LTBP1: variants seen among roughly 807,000 people sequenced by gnomAD.
LTBP1 encodes the protein latent-transforming growth factor beta-binding protein 1.
LTBP1 carries 129 observed loss-of-function variants against 207.6 expected under a neutral mutation model. The ratio of observed to expected loss-of-function variants is 0.62; its 90% CI spans 0.54 to 0.72. The LOEUF (loss-of-function observed/expected upper bound fraction) is 0.72, where lower values mean the gene tolerates loss of function less well. LTBP1 is among the 30% of genes least tolerant of loss of function. LTBP1 has a pLI of 0.00. For missense variants in LTBP1, 2,281 were observed against 2,217.2 expected (o/e 1.03, Z -0.58); for synonymous variants, 963 against 833.7 (o/e 1.16, Z -2.67).
chr2:32,975,497 C>T (rs974029291), intron 2 of LTBP1, among the ~76,000 whole-genome samples: 3 of 146,960 alleles, frequency 2.0e-5, no homozygotes, highest in African/African-American at 7.5e-5. Flanking sequence ...TTTACTTTCT[C>T]ACTCTTTCTT....
intron 3 of LTBP1, among the ~76,000 whole-genome samples, chr2:33,089,678 A>T (rs2078969023): frequency 1.3e-5 from 2 of 152,342 alleles, no homozygotes; most frequent in East Asian, 3.9e-4. Flanking sequence ...GATATTACTA[A>T]CTAAAGTCTA....
chr2:33,291,623 G>C (rs919733782), intron 19 of LTBP1: 2 of 152,208 alleles, frequency 1.3e-5, no homozygotes, highest in African/African-American at 4.8e-5. Flanking sequence ...TCGTGGACTA[G>C]AGTCAGCTCA....
intron 24 of LTBP1, among the ~76,000 whole-genome samples, chr2:33,338,276 C>T (rs750064690): frequency 6.6e-5 from 10 of 152,138 alleles, no homozygotes; most frequent in Non-Finnish European, 1.0e-4. Context: ...GCAAGACGCC[C>T]AGTAATTCAT....
At chr2:33,152,376 A>G (rs1377200870) in intron 5 of LTBP1, among the ~76,000 whole-genome samples, 4 of 152,174 alleles carry the variant, frequency 2.6e-5, no homozygotes, top group Non-Finnish European at 4.4e-5. Flanking sequence ...ATACCACCTC[A>G]CGCCTGCAAG....
intron 11 of LTBP1, 145 bp downstream of exon 11, chr2:33,252,989 T>A: frequency 1.7e-6 from 1 of 598,028 alleles, no homozygotes. Flanking sequence ...GTAGAAACTG[T>A]ACACATACAA....
chr2:33,184,241 T>C (rs2086952507), intron 5 of LTBP1, among the ~76,000 whole-genome samples: 1 of 152,172 alleles, frequency 6.6e-6, no homozygotes, highest in African/African-American at 2.4e-5. Flanking sequence ...TCTTGCAGCT[T>C]TACTTAATCC....
chr2:33,395,428 A>G (rs1056805268), intron 32 of LTBP1, among the ~76,000 whole-genome samples: 1 of 152,196 alleles, frequency 6.6e-6, no homozygotes, highest in South Asian at 2.1e-4. Flanking sequence ...TGGGAATGGG[A>G]ACTCAAGTCC....
Position 33,021,138 on chromosome 2 carries a change from T to A in LTBP1, c.795T>A (p.Pro265=). ...KKADTLPRVS[P]VAQMTLTLKP... is the part of the protein sequence containing the mutation. The stretch of plus-strand genomic sequence containing the variant: ...CAGACACTCTACCAAGAGTCAGCCC[T>A]GTGGCCCAGATGACCTTAACCCTCA... The change falls in exon 3 of 34, where the codon CCT becomes CCA. Residue 265 remains proline, a synonymous_variant. Coordinates refer to ENST00000404816, the MANE Select transcript of LTBP1 (RefSeq NM_206943.4). 1 of 1,613,670 alleles carries A rather than the reference T, an allele frequency of 6.2e-7. No homozygotes were observed. Among genetic ancestry groups the A allele is most frequent in the Middle Eastern group, 1.6e-4 (1 of 6,062 alleles).
intron 32 of LTBP1, among the ~76,000 whole-genome samples, chr2:33,390,886 G>A (rs1294524401): frequency 6.6e-6 from 1 of 152,122 alleles, no homozygotes; most frequent in East Asian, 1.9e-4. Flanking sequence ...CCTGGGCCCT[G>A]TCACCTGTGC....
chr2:33,286,247 T>C (rs189201057), intron 19 of LTBP1, among the ~76,000 whole-genome samples: 37 of 152,332 alleles, frequency 2.4e-4, no homozygotes, highest in Non-Finnish European at 4.3e-4. Context: ...AATGTAGGTC[T>C]TGGGTATTTG....
chr2:33,021,333 C>T (rs999185979), intron 3 of LTBP1, 127 bp downstream of exon 3: 1 of 928,270 alleles, frequency 1.1e-6, no homozygotes, highest in Non-Finnish European at 1.6e-6. Flanking sequence ...GTTTTTCTTT[C>T]CTTTCTTAAG....
chr2:32,948,715 G>A (rs979204984), intron 1 of LTBP1, among the ~76,000 whole-genome samples, 160 bp from the exon 2 acceptor site: 4 of 152,082 alleles, frequency 2.6e-5, no homozygotes, highest in Non-Finnish European at 5.9e-5. Flanking sequence ...CCTCTGCTTG[G>A]GCAGCTTTGG....
chr2:33,215,266 T>G (rs1029457475), intron 7 of LTBP1, among the ~76,000 whole-genome samples: 7 of 152,200 alleles, frequency 4.6e-5, no homozygotes, highest in Admixed American at 6.5e-5. Flanking sequence ...GATACTATTA[T>G]GCACTCTACG....
intron 7 of LTBP1, among the ~76,000 whole-genome samples, chr2:33,207,794 A>G (rs1157360412): frequency 6.6e-6 from 1 of 152,256 alleles, no homozygotes; most frequent in Non-Finnish European, 1.5e-5. Flanking sequence ...ATGATCTAGT[A>G]CTGGGACACT....
At chr2:33,267,734 CCT>C (rs1322111517) in intron 15 of LTBP1, among the ~76,000 whole-genome samples, 2 of 152,122 alleles carry the variant, frequency 1.3e-5, no homozygotes, top group African/African-American at 2.4e-5. Flanking sequence ...AATGGACAAA[CCT>C]CTTTCAAACT....
intron 3 of LTBP1, among the ~76,000 whole-genome samples, chr2:33,035,104 TG>T (rs2075859423): frequency 6.6e-6 from 1 of 152,202 alleles, no homozygotes; most frequent in Admixed American, 6.5e-5. Context: ...TTGTTGCCGA[TG>T]GATAGGAATT....
At chr2:33,062,611 T>C (rs1229337558) in intron 3 of LTBP1, among the ~76,000 whole-genome samples, 1 of 152,198 alleles carries the variant, frequency 6.6e-6, no homozygotes, top group Non-Finnish European at 1.5e-5. Flanking sequence ...GTTGACCATA[T>C]ATATGTGAGT....
At chr2:33,195,480 C>G (rs141766937) in intron 7 of LTBP1, among the ~76,000 whole-genome samples, 1 of 152,226 alleles carries the variant, frequency 6.6e-6, no homozygotes, top group Non-Finnish European at 1.5e-5. Context: ...GAAGTCACTA[C>G]AGATATGGTG....
intron 3 of LTBP1, among the ~76,000 whole-genome samples, chr2:33,047,437 C>G (rs1033662101): frequency 5.9e-5 from 9 of 152,158 alleles, no homozygotes; most frequent in Non-Finnish European, 1.2e-4. Flanking sequence ...GAGTGAGTTT[C>G]TTAATCCTGA....
Sources: gnomAD v4.1 joint callset for allele counts (sites outside exome capture counted in the v4.1 genomes callset) on GRCh38, gnomAD v4.1.1 for gene constraint, MANE v1.5 for transcripts, NCBI Gene and HGNC (gene_info 2026-07-23, HGNC 2026-07-21) for gene names.